STAT5B: variants seen among roughly 807,000 people sequenced by gnomAD.
STAT5B encodes signal transducer and activator of transcription 5B.
STAT5B carries 21 observed loss-of-function variants against 107.8 expected under a neutral mutation model. That is an observed-to-expected ratio of 0.19 (90% CI 0.14 to 0.28). STAT5B has a LOEUF of 0.28. STAT5B is among the 10% of genes least tolerant of loss of function. The pLI, the probability that STAT5B is intolerant of heterozygous loss-of-function variation, is 1.00. For synonymous variants in STAT5B, 325 were observed against 401.7 expected (o/e 0.81, Z 2.28); for missense variants, 565 against 1,008.2 (o/e 0.56, Z 5.95).
chr17:42,221,468 G>A (rs2080225658), intron 5 of STAT5B, among the ~76,000 whole-genome samples: 1 of 152,204 alleles, frequency 6.6e-6, no homozygotes, highest in African/African-American at 2.4e-5. Context: ...GAGTGAACTT[G>A]ACAAATGGGA....
intron 1 of STAT5B, among the ~76,000 whole-genome samples, chr17:42,242,444 G>A (rs141401850): frequency 5.9e-5 from 9 of 152,158 alleles, no homozygotes; most frequent in African/African-American, 1.7e-4. Flanking sequence ...TAAATCTGGC[G>A]GACAATGCCT....
chr17:42,225,778 G>A (rs1190778786), intron 3 of STAT5B, among the ~76,000 whole-genome samples: 1 of 152,004 alleles, frequency 6.6e-6, no homozygotes, highest in Non-Finnish European at 1.5e-5. Flanking sequence ...CTGAGCTGCG[G>A]TTGGTGGAAT....
intron 1 of STAT5B, among the ~76,000 whole-genome samples, chr17:42,268,141 A>C (rs183219031): frequency 1.9e-3 from 286 of 152,182 alleles, no homozygotes; most frequent in African/African-American, 6.6e-3. Flanking sequence ...CCATTCACCC[A>C]CTGAGTTGCC....
At chr17:42,281,088 C>G (rs143858533), upstream of STAT5B, among the ~76,000 whole-genome samples, 1 of 151,064 alleles carries the variant, frequency 6.6e-6, no homozygotes, top group East Asian at 1.9e-4. Flanking sequence ...GAGCAGAGAT[C>G]GCGCCACTGC....
At chr17:42,265,751 C>A (rs977925512) in intron 1 of STAT5B, among the ~76,000 whole-genome samples, 1 of 152,158 alleles carries the variant, frequency 6.6e-6, no homozygotes, top group African/African-American at 2.4e-5. Context: ...GTGCCAGTTT[C>A]CCACATTCCC....
chr17:42,240,918 T>G (rs540911662), intron 1 of STAT5B, among the ~76,000 whole-genome samples: 3 of 152,280 alleles, frequency 2.0e-5, no homozygotes, highest in African/African-American at 7.2e-5. Flanking sequence ...TAGGGCTGGG[T>G]GACAGATCAA....
upstream of STAT5B, chr17:42,276,629 C>G (rs1382350831): frequency 1.3e-5 from 2 of 152,068 alleles, no homozygotes; most frequent in African/African-American, 4.8e-5. This position sits in a 1 kb window ranked among gnomAD's most constrained non-coding sequence, Gnocchi z 4.8. Flanking sequence ...CGCGCGCACC[C>G]CCTTTCTGCG....
chr17:42,201,207 T>C lies in STAT5B; in HGVS notation c.*531A>G, dbSNP rs1598291144. 1 of 416,350 alleles carries C rather than the reference T, an allele frequency of 2.4e-6. No individual in the cohort carries two copies. Among genetic ancestry groups the C allele is most frequent in the East Asian group, 3.4e-5 (1 of 29,124 alleles). The allele number at this position is 416,350 out of a possible 1,614,324, so 25.8% of individuals were successfully genotyped here. On this transcript the variant is annotated 3_prime_UTR_variant, in exon 19 of 19. Transcript: ENST00000293328. Reference sequence around the variant, plus strand: ...CAGGGGTGGGGGAGAGGGAAGGCTCTCTTTGTCAAAAAGCAGTTATCTACA... The same window carrying C: ...CAGGGGTGGGGGAGAGGGAAGGCTCCCTTTGTCAAAAAGCAGTTATCTACA...
chr17:42,212,366 G>A (rs1327212828), intron 12 of STAT5B, among the ~76,000 whole-genome samples, 176 bp from the exon 13 acceptor site: 3 of 152,168 alleles, frequency 2.0e-5, no homozygotes, highest in African/African-American at 4.8e-5. Context: ...AGAAGGTTCC[G>A]TTTCACCTTC....
chr17:42,263,331 T>A (rs1292288250), intron 1 of STAT5B, among the ~76,000 whole-genome samples: 3 of 151,682 alleles, frequency 2.0e-5, no homozygotes, highest in African/African-American at 7.3e-5. Flanking sequence ...ACAAAAGATG[T>A]CAAAAAACAG....
chr17:42,223,379 C>G lies in STAT5B; in HGVS notation c.550+3G>C. 1.2e-6 allele frequency: 2 copies of G among 1,614,228 alleles called. No individual in the cohort carries two copies. The highest frequency in any genetic ancestry group is 1.7e-6 in the Non-Finnish European group (2 of 1,180,038). ...TGCACAATGTGCCTCCACCGCGCCTCACCTTGGATCCTCAGGCTCTCCTGG... is the reference window on the plus strand; with the variant it reads ...TGCACAATGTGCCTCCACCGCGCCTGACCTTGGATCCTCAGGCTCTCCTGG... On this transcript the variant is annotated splice_donor_region_variant and intron_variant, in intron 5 of 18. Coordinates refer to ENST00000293328, the MANE Select transcript of STAT5B (RefSeq NM_012448.4).
chr17:42,226,927 C>T (rs2080277698), intron 3 of STAT5B, among the ~76,000 whole-genome samples: 2 of 150,080 alleles, frequency 1.3e-5, no homozygotes, highest in South Asian at 4.2e-4. Context: ...GAGTTCAAGA[C>T]CACTGTGGCC....
chr17:42,275,254 C>T (rs1042736539), intron 1 of STAT5B: 4 of 152,186 alleles, frequency 2.6e-5, no homozygotes, highest in Admixed American at 6.5e-5. Context: ...ACTTTTGGCA[C>T]TATTTATTTG....
intron 1 of STAT5B, among the ~76,000 whole-genome samples, chr17:42,248,395 G>A (rs1340387749): frequency 3.3e-5 from 5 of 150,552 alleles, no homozygotes; most frequent in East Asian, 1.9e-4. Context: ...AAACAACAAC[G>A]GTTATCCAGG....
intron 1 of STAT5B, among the ~76,000 whole-genome samples, chr17:42,239,686 G>C (rs1383658156): frequency 3.3e-5 from 5 of 152,192 alleles, no homozygotes; most frequent in Non-Finnish European, 2.9e-5. Flanking sequence ...GGGTCATCAA[G>C]ATTAAGTAGA....
At chr17:42,210,038 C>T in intron 15 of STAT5B, 133 bp downstream of exon 15, 1 of 1,363,610 alleles carries the variant, frequency 7.3e-7, no homozygotes, top group Non-Finnish European at 1.0e-6. Flanking sequence ...ATGAGTATGT[C>T]ATGGCTATAC....
intron 12 of STAT5B, among the ~76,000 whole-genome samples, chr17:42,215,783 T>G (rs1229625891): frequency 6.6e-6 from 1 of 152,142 alleles, no homozygotes; most frequent in Non-Finnish European, 1.5e-5. Context: ...CACACCCAGC[T>G]AATTTTTCGG....
intron 1 of STAT5B, among the ~76,000 whole-genome samples, chr17:42,245,120 C>A (rs1211948158): frequency 6.9e-6 from 1 of 145,906 alleles, no homozygotes; most frequent in Non-Finnish European, 1.5e-5. Context: ...CTCTGTCACC[C>A]AGGTTGGAGT....
At chr17:42,206,521 C>A (rs148170608) in intron 16 of STAT5B, among the ~76,000 whole-genome samples, 83 of 152,272 alleles carry the variant, frequency 5.5e-4, no homozygotes, top group Middle Eastern at 3.4e-3. Context: ...CTAAATCATC[C>A]ATAGAGGTTA....
Sources: gnomAD v4.1 joint callset for allele counts (sites outside exome capture counted in the v4.1 genomes callset) on GRCh38, gnomAD v4.1.1 for gene constraint, Gnocchi (gnomAD v3.1) non-coding constraint, MANE v1.5 for transcripts, NCBI Gene and HGNC (gene_info 2026-07-23, HGNC 2026-07-21) for gene names.